The following NXPE2 variants were observed in gnomAD, a reference collection of about 807,000 sequenced individuals.
NXPE2 encodes NXPE family member 2.
NXPE2 carries 34 observed loss-of-function variants against 34.4 expected under a neutral mutation model. That is an observed-to-expected ratio of 0.99 (90% CI 0.75 to 1.31). The LOEUF (loss-of-function observed/expected upper bound fraction) is 1.31, where lower values mean the gene tolerates loss of function less well. Ranked by LOEUF, NXPE2 falls within the 40% of genes most tolerant of loss-of-function variation. The pLI, the probability that NXPE2 is intolerant of heterozygous loss-of-function variation, is 0.00. For synonymous variants in NXPE2, 235 were observed against 231.3 expected, an observed-to-expected ratio of 1.02 and a Z score of -0.15; for missense variants, 649 against 672.5, an observed-to-expected ratio of 0.97 and a Z score of 0.39.
chr11:114,633,730 T>C, the NXPE2 span, among the ~76,000 whole-genome samples: 1 of 151,860 alleles, frequency 6.6e-6, no homozygotes, highest in African/African-American at 2.4e-5. Context: ...TTTTTTGTCC[T>C]TGCGATTGTT....
chr11:114,800,971 G>T, the NXPE2 span, among the ~76,000 whole-genome samples: 3 of 152,326 alleles, frequency 2.0e-5, no homozygotes, highest in African/African-American at 7.2e-5. Flanking sequence ...TGATTAGTAT[G>T]TGAAATTATA....
intron 2 of NXPE2, among the ~76,000 whole-genome samples, chr11:114,695,830 A>AACACACACACACAC (rs67132329): frequency 0.089 from 11,814 of 132,440 alleles, 677 homozygotes; most frequent in Admixed American, 0.13. Flanking sequence ...GTCTCTACTA[A>AACACACACACACAC]ACACACACAC....
chr11:114,811,099 A>G, the NXPE2 span, among the ~76,000 whole-genome samples: 2 of 148,120 alleles, frequency 1.4e-5, no homozygotes, highest in African/African-American at 5.0e-5. Flanking sequence ...AAAACCAAAC[A>G]CCGCATGTTC....
chr11:114,675,418 A>G (rs1055049812), upstream of NXPE2, among the ~76,000 whole-genome samples: 3 of 151,804 alleles, frequency 2.0e-5, no homozygotes, highest in African/African-American at 7.2e-5. Flanking sequence ...TAAAGACTCC[A>G]CCAAAAAACT....
At chr11:114,786,732 TA>T in the NXPE2 span, among the ~76,000 whole-genome samples, 1 of 152,270 alleles carries the variant, frequency 6.6e-6, no homozygotes, top group Non-Finnish European at 1.5e-5. Flanking sequence ...CTGAGAGGGC[TA>T]ATGCAGTCTG....
the NXPE2 span, among the ~76,000 whole-genome samples, chr11:114,631,255 A>T: frequency 6.6e-6 from 1 of 151,856 alleles, no homozygotes; most frequent in South Asian, 2.1e-4. Context: ...TCACAATAGC[A>T]AAGACTTGGA....
At chr11:114,651,863 G>A in the NXPE2 span, among the ~76,000 whole-genome samples, 255 of 152,180 alleles carry the variant, frequency 1.7e-3, 2 homozygotes, top group African/African-American at 5.1e-3. Context: ...GTCCCCACCC[G>A]ACCCAGAAGC....
At chr11:114,779,929 C>T in the NXPE2 span, among the ~76,000 whole-genome samples, 7 of 152,066 alleles carry the variant, frequency 4.6e-5, no homozygotes, top group Non-Finnish European at 1.0e-4. Context: ...ACCAATTTCT[C>T]GTGAAAACAC....
At chr11:114,560,372 G>GGGC in the NXPE2 span, among the ~76,000 whole-genome samples, 1 of 149,978 alleles carries the variant, frequency 6.7e-6, no homozygotes, top group East Asian at 2.0e-4. Flanking sequence ...CTGGGCCCAA[G>GGGC]CCATCCTTCT....
At chr11:114,782,373 C>G in the NXPE2 span, among the ~76,000 whole-genome samples, 2 of 152,154 alleles carry the variant, frequency 1.3e-5, no homozygotes, top group Non-Finnish European at 2.9e-5. Context: ...TTTAGATGTG[C>G]TGTGAATACT....
At chr11:114,627,439 AAATAC>A in the NXPE2 span, among the ~76,000 whole-genome samples, 1 of 151,504 alleles carries the variant, frequency 6.6e-6, no homozygotes, top group South Asian at 2.1e-4. Flanking sequence ...AGTGAAGGAG[AAATAC>A]AATACTTTAC....
intron 4 of NXPE2, 85 bp from the exon 5 acceptor site, chr11:114,705,696 G>A: frequency 1.3e-6 from 1 of 798,586 alleles, no homozygotes; most frequent in Non-Finnish European, 1.8e-6. Context: ...GGAAAAAGAG[G>A]AAAAGGAAGG....
the NXPE2 span, among the ~76,000 whole-genome samples, chr11:114,638,003 G>A: frequency 6.6e-5 from 10 of 151,394 alleles, no homozygotes; most frequent in African/African-American, 1.2e-4. Flanking sequence ...GAATCTGAAC[G>A]TTGGCCTGCC....
the NXPE2 span, among the ~76,000 whole-genome samples, chr11:114,794,956 T>C: frequency 6.7e-6 from 1 of 148,784 alleles, no homozygotes; most frequent in Non-Finnish European, 1.5e-5. Context: ...ACTCACAGAA[T>C]AGTTCAGAGA....
chr11:114,710,961 G>T (rs1859600017), downstream of NXPE2, among the ~76,000 whole-genome samples: 1 of 152,066 alleles, frequency 6.6e-6, no homozygotes, highest in South Asian at 2.1e-4. Context: ...TCAATGTAAT[G>T]TGCCACATTA....
chr11:114,647,632 A>G, the NXPE2 span, among the ~76,000 whole-genome samples: 1 of 152,020 alleles, frequency 6.6e-6, no homozygotes, highest in African/African-American at 2.4e-5. Context: ...TCTGGATTAT[A>G]TATGGTTATT....
the NXPE2 span, among the ~76,000 whole-genome samples, chr11:114,671,299 A>G: frequency 5.4e-5 from 8 of 147,586 alleles, no homozygotes; most frequent in African/African-American, 7.4e-5. Context: ...GAAATACGGT[A>G]CAAATTTAAG....
At chr11:114,532,718 T>A in the NXPE2 span, among the ~76,000 whole-genome samples, 3 of 152,214 alleles carry the variant, frequency 2.0e-5, no homozygotes, top group Non-Finnish European at 4.4e-5. Flanking sequence ...TCTCTGTGTG[T>A]ATGTGCATAT....
At chr11:114,605,873 G>A in the NXPE2 span, among the ~76,000 whole-genome samples, 3 of 151,720 alleles carry the variant, frequency 2.0e-5, no homozygotes, top group African/African-American at 7.3e-5. Flanking sequence ...TGGATAATAA[G>A]TGTTGCCTCG....
Sources: gnomAD v4.1 joint callset for allele counts (sites outside exome capture counted in the v4.1 genomes callset) on GRCh38, gnomAD v4.1.1 for gene constraint, MANE v1.5 for transcripts, NCBI Gene and HGNC (gene_info 2026-07-23, HGNC 2026-07-21) for gene names.